MMP24: variants seen among roughly 807,000 people sequenced by gnomAD.
MMP24 encodes matrix metalloproteinase-24.
MMP24 carries 25 observed loss-of-function variants against 62.8 expected under a neutral mutation model. The ratio of observed to expected loss-of-function variants is 0.40; its 90% CI spans 0.29 to 0.56. MMP24 has a LOEUF of 0.56. MMP24 is among the 20% of genes least tolerant of loss of function. MMP24 has a pLI of 0.50. For missense variants in MMP24, 634 were observed against 853.6 expected (o/e 0.74, Z 3.21); for synonymous variants, 319 against 350.5 (o/e 0.91, Z 1.00).
chr20:35,246,806 C>T, intron 1 of MMP24, 34 bp from the exon 2 acceptor site: 1 of 1,611,602 alleles, frequency 6.2e-7, no homozygotes. Flanking sequence ...CCTTTCCCAG[C>T]ATAACGCATC....
chr20:35,247,568 T>C (rs116834330), intron 2 of MMP24, among the ~76,000 whole-genome samples: 1 of 152,066 alleles, frequency 6.6e-6, no homozygotes, highest in Non-Finnish European at 1.5e-5. Flanking sequence ...AAAAAAGCCA[T>C]GAGGATGGTC....
intron 1 of MMP24, among the ~76,000 whole-genome samples, chr20:35,234,213 GTTCA>G (rs2060451394): frequency 6.6e-6 from 1 of 152,036 alleles, no homozygotes; most frequent in Non-Finnish European, 1.5e-5. Context: ...AGCCTCTTCT[GTTCA>G]TTCACAGATG....
At position 35,274,280 on chromosome 20, in the gene MMP24, T is replaced by C; in HGVS notation, c.1609T>C (p.Tyr537His). Reference sequence around the variant, plus strand: ...GGGCTGTATTTCTGCAGATTACACCTATTTCTACAAGGGCCGGGACTACTG... The same window carrying C: ...GGGCTGTATTTCTGCAGATTACACCCATTTCTACAAGGGCCGGGACTACTG... ...AFISKEGYYT[Y>H]FYKGRDYWKF... Residue 537 changes from tyrosine to histidine, a missense_variant, in exon 9 of 9, where the codon TAT becomes CAT. By Grantham distance (83) the Tyr-to-His change is moderately conservative. Transcript: ENST00000246186. The surrounding 1 kb of genome is among the most constrained non-coding windows in gnomAD (Gnocchi z 5.1). 1 of 1,608,814 alleles carries C rather than the reference T, an allele frequency of 6.2e-7. No homozygotes were observed. Among genetic ancestry groups the C allele is most frequent in the Non-Finnish European group, 8.5e-7 (1 of 1,178,502 alleles).
In MMP24 at chr20:35,274,558, A is replaced by G; in HGVS notation, c.1887A>G (p.Thr629=). ...CCATCTTCCAGTTCAAGAACAAGACAGGCCCTCAGCCTGTCACCTACTATA... is the reference window on the plus strand; with the variant it reads ...CCATCTTCCAGTTCAAGAACAAGACGGGCCCTCAGCCTGTCACCTACTATA... ...VYTIFQFKNK[T]GPQPVTYYKR... The change falls in exon 9 of 9, where the codon ACA becomes ACG. Residue 629 remains threonine (T), a synonymous_variant. Coordinates refer to ENST00000246186, the MANE Select transcript of MMP24 (RefSeq NM_006690.4). This position sits in a 1 kb window ranked among gnomAD's most constrained non-coding sequence, Gnocchi z 5.1. The G allele has an allele frequency of 1.2e-6, 2 of 1,614,010 alleles. No homozygotes were observed. The highest frequency in any genetic ancestry group is 1.7e-6 in the Non-Finnish European group (2 of 1,179,874).
chr20:35,238,305 G>GAC (rs2146203947), intron 1 of MMP24, among the ~76,000 whole-genome samples: 1 of 152,276 alleles, frequency 6.6e-6, no homozygotes, highest in Admixed American at 6.5e-5. Context: ...TGATGAGGAG[G>GAC]ACATATATGC....
intron 1 of MMP24, among the ~76,000 whole-genome samples, chr20:35,233,110 C>T (rs1287554916): frequency 6.6e-6 from 1 of 152,128 alleles, no homozygotes; most frequent in Non-Finnish European, 1.5e-5. Flanking sequence ...ATAAAGGGCA[C>T]CAAAAGTACT....
At position 35,274,144 on chromosome 20, in the gene MMP24, C is replaced by T; in HGVS notation, c.1601-128C>T. 1.1e-6 allele frequency: 1 copy of T among 893,012 alleles called. No individual in the cohort carries two copies. Among genetic ancestry groups the T allele is most frequent in the Non-Finnish European group, 1.7e-6 (1 of 589,238 alleles). The allele number at this position is 893,012 out of a possible 1,614,324, so 55.3% of individuals were successfully genotyped here. ...TACTCCATGACTCAGCCAAGCACTG[C>T]ACCCCAAACCTCCAGGTGTGCCCAC... On this transcript the variant is annotated intron_variant, in intron 8 of 8. Transcript: ENST00000246186. This position sits in a 1 kb window ranked among gnomAD's most constrained non-coding sequence, Gnocchi z 5.1.
intron 1 of MMP24, among the ~76,000 whole-genome samples, chr20:35,228,582 C>T (rs1014086678): frequency 3.4e-4 from 52 of 152,158 alleles, no homozygotes; most frequent in Non-Finnish European, 6.9e-4. Flanking sequence ...TGAGCCATTT[C>T]CTTGCCCTCT....
intron 1 of MMP24, among the ~76,000 whole-genome samples, chr20:35,241,245 A>T (rs2060486986): frequency 6.6e-6 from 1 of 152,188 alleles, no homozygotes; most frequent in Non-Finnish European, 1.5e-5. Context: ...CAGAGACAGG[A>T]TTAAGCAGCA....
intron 1 of MMP24, among the ~76,000 whole-genome samples, chr20:35,246,181 G>A (rs537838909): frequency 5.3e-5 from 8 of 152,026 alleles, no homozygotes; most frequent in East Asian, 1.9e-4. Context: ...CTGGCCGGGC[G>A]CGGTGGCTCA....
Position 35,254,763 on chromosome 20 carries a change from A to G in MMP24, c.817+9A>G. The G allele has an allele frequency of 6.2e-7, 1 of 1,604,038 alleles. No homozygotes were observed. Among genetic ancestry groups the G allele is most frequent in the Non-Finnish European group, 8.5e-7 (1 of 1,174,224 alleles). The stretch of plus-strand genomic sequence containing the variant: ...AAATGCCAACCATGACGGTAAGGCC[A>G]TGAGGGGACAGGGGTCAGTCTTGGG... On this transcript the variant is annotated intron_variant, in intron 4 of 8. Coordinates refer to ENST00000246186, the MANE Select transcript of MMP24 (RefSeq NM_006690.4).
Position 35,275,135 on chromosome 20 carries a change from A to G in MMP24, c.*526A>G, listed in dbSNP as rs941625516. On this transcript the variant is annotated 3_prime_UTR_variant, in exon 9 of 9. Coordinates refer to ENST00000246186, the MANE Select transcript of MMP24 (RefSeq NM_006690.4). ...CCTGCTTCTGACACAGTGAGCAACA[A>G]GCCTGGGTTTCCCTGCTGGCAGACG... 1.9e-5 allele frequency: 3 copies of G among 157,524 alleles called. No homozygotes were observed. Among genetic ancestry groups the G allele is most frequent in the African/African-American group, 7.2e-5 (3 of 41,450 alleles). 9.8% of individuals were successfully genotyped at this position (157,524 alleles called of 1,614,324 possible).
rs1255249233 is a variant in MMP24 at position 35,271,835 on chromosome 20, T to C, written c.1600T>C (p.Tyr534His). The C allele has an allele frequency of 5.0e-6, 8 of 1,608,622 alleles. No homozygotes were observed. Among genetic ancestry groups the C allele is most frequent in the Non-Finnish European group, 6.8e-6 (8 of 1,178,098 alleles). The change falls in exon 8 of 9, where the codon TAT becomes CAT. Residue 534 changes from tyrosine (Y) to histidine (H), a missense_variant and splice_region_variant. By Grantham distance (83) the Tyr-to-His change is moderately conservative (BLOSUM62 2). Coordinates refer to ENST00000246186, the MANE Select transcript of MMP24 (RefSeq NM_006690.4). The surrounding 1 kb of genome is among the most constrained non-coding windows in gnomAD (Gnocchi z 4.0). ...PQGAFISKEGYYTYFYKGRDY... is the reference protein window; with the variant it reads ...PQGAFISKEGHYTYFYKGRDY... The stretch of plus-strand genomic sequence containing the variant: ...AGGAGCCTTCATCAGCAAGGAAGGA[T>C]GTACGTAAGGGCCGGGCCAGGGTGG...
At chr20:35,264,077 T>G in intron 5 of MMP24, 125 bp downstream of exon 5, 1 of 1,101,558 alleles carries the variant, frequency 9.1e-7, no homozygotes, top group African/African-American at 1.6e-5. Context: ...TGTTTCTCTG[T>G]GTGTGACCTT....
chr20:35,253,922 T>C (rs370019594), intron 3 of MMP24, among the ~76,000 whole-genome samples: 3 of 146,308 alleles, frequency 2.1e-5, no homozygotes, highest in East Asian at 2.0e-4. Flanking sequence ...CAGGCTGGAG[T>C]GCAGTGGTGC....
intron 4 of MMP24, among the ~76,000 whole-genome samples, chr20:35,255,884 A>G (rs1402810592): frequency 6.6e-6 from 1 of 152,206 alleles, no homozygotes; most frequent in Admixed American, 6.5e-5. Context: ...TTTGAAAAAA[A>G]TGGCATGATC....
intron 1 of MMP24, among the ~76,000 whole-genome samples, chr20:35,227,930 C>T (rs2060421897): frequency 6.6e-6 from 1 of 152,174 alleles, no homozygotes; most frequent in East Asian, 1.9e-4. Flanking sequence ...CCCTTATTTA[C>T]CCATGACCTT....
intron 8 of MMP24, among the ~76,000 whole-genome samples, chr20:35,272,526 C>T (rs1192986283): frequency 6.6e-6 from 1 of 152,208 alleles, no homozygotes; most frequent in African/African-American, 2.4e-5. Flanking sequence ...GTGTGAGCCA[C>T]TGCATCAAGA....
At position 35,262,072 on chromosome 20, in the gene MMP24, G is replaced by A. The variant is rs575631865; in HGVS notation, c.818-1719G>A. ...CCCGATCAGCCTCCCAAAGTGCTGGGATTACAGGCGTGAGCCACCACGCCC... is the reference window on the plus strand; with the variant it reads ...CCCGATCAGCCTCCCAAAGTGCTGGAATTACAGGCGTGAGCCACCACGCCC... On this transcript the variant is annotated intron_variant, in intron 4 of 8. Transcript: ENST00000246186. Among the ~76,000 whole-genome samples, 21 of 152,288 alleles carry A rather than the reference G, an allele frequency of 1.4e-4. No homozygotes were observed. The East Asian group carries it at 4.1e-3, about 29-fold the overall frequency.
Sources: allele counts gnomAD v4.1 joint callset (sites outside exome capture counted in the v4.1 genomes callset), GRCh38; gene constraint gnomAD v4.1.1; non-coding constraint Gnocchi (gnomAD v3.1); transcripts MANE v1.5; gene names NCBI Gene and HGNC (gene_info 2026-07-23, HGNC 2026-07-21).